The following KDM5C variants were observed in gnomAD, a reference collection of about 807,000 sequenced individuals.
The protein encoded by KDM5C is lysine-specific demethylase 5C.
Under a neutral mutation model 110.6 loss-of-function variants are expected in KDM5C, and 16 were observed. That is an observed-to-expected ratio of 0.14 (90% confidence interval 0.10 to 0.22). The LOEUF is 0.22. KDM5C is among the 10% of genes least tolerant of loss of function. KDM5C has a pLI of 1.00. For missense variants in KDM5C, 681 were observed against 1,300.9 expected (o/e 0.52, Z 7.33); for synonymous variants, 511 against 520.4 (o/e 0.98, Z 0.24).
At chrX:53,198,169 C>T (rs370499712) in intron 17 of KDM5C, among the ~76,000 whole-genome samples, 1 of 111,720 alleles carries the variant, frequency 9.0e-6, no homozygotes, top group African/African-American at 3.3e-5. Flanking sequence ...ACATCTTTGT[C>T]CTGTTCTTAC....
At position 53,197,315 on chromosome X, in the gene KDM5C, T is replaced by C. The variant is rs781845974; in HGVS notation, c.2623-271A>G. On this transcript the variant is annotated intron_variant, in intron 18 of 25. Transcript: ENST00000375401. The stretch of plus-strand genomic sequence containing the variant: ...TAATTAACTAATAATTATTAATCTA[T>C]GCTTTATTTAACTTTTCAGAGGGCT... Among the ~76,000 whole-genome samples, 3 of 111,859 alleles carry C rather than the reference T, an allele frequency of 2.7e-5. No individual in the cohort carries two copies. The East Asian group carries it at 8.4e-4, about 31-fold the overall frequency.
chrX:53,193,390 C>T (rs1020902752), intron 25 of KDM5C, 47 bp downstream of exon 25: 4 of 1,209,867 alleles, frequency 3.3e-6, no homozygotes, highest in South Asian at 1.8e-5. Context: ...GCCTGGGCTC[C>T]CTACTCGGCC....
chrX:53,218,563 C>G (rs1415067797), intron 2 of KDM5C, 165 bp from the exon 3 acceptor site: 1 of 587,911 alleles, frequency 1.7e-6, no homozygotes, highest in African/African-American at 2.2e-5. Flanking sequence ...CTTAGCCCCA[C>G]CTCACTCTCA....
In KDM5C at chrX:53,199,789, T is replaced by C. The variant is rs28549053; in HGVS notation, c.2062-631A>G. 7.3e-3 allele frequency among the ~76,000 whole-genome samples: 817 copies of C among 112,257 alleles called. 5 individuals carry two copies. The highest frequency in any genetic ancestry group is 0.023 in the Middle Eastern group (5 of 218). ...AAAAATGAAGGAAAAGCTGGCTATA[T>C]TGGAGTAATCGAGAGACAACCCAGT... On this transcript the variant is annotated intron_variant, in intron 14 of 25. Transcript: ENST00000375401.
chrX:53,193,941 C>T (rs1053494199), intron 23 of KDM5C, 90 bp from the exon 24 acceptor site: 26 of 994,250 alleles, frequency 2.6e-5, no homozygotes, highest in Admixed American at 7.5e-5. Context: ...TGAGACCCTC[C>T]GCCTTCTGGA....
chrX:53,177,232 T>C (rs1419036061), intron 25 of KDM5C, among the ~76,000 whole-genome samples: 1 of 111,514 alleles, frequency 9.0e-6, no homozygotes, highest in African/African-American at 3.3e-5. Context: ...AAAATAAAAA[T>C]TAGCCAGGTG....
At chrX:53,198,085 G>A (rs187337149) in intron 17 of KDM5C, among the ~76,000 whole-genome samples, 1 of 111,863 alleles carries the variant, frequency 8.9e-6, no homozygotes, top group East Asian at 2.8e-4. Context: ...CTAATGGGTT[G>A]TAATAAGAGC....
chrX:53,213,174 A>T (rs1224408432), intron 8 of KDM5C, among the ~76,000 whole-genome samples: 2 of 111,506 alleles, frequency 1.8e-5, no homozygotes, highest in Non-Finnish European at 3.8e-5. Context: ...CCAAAATCAG[A>T]CACACACCAT....
At chrX:53,187,031 G>A (rs1328180768), downstream of KDM5C, among the ~76,000 whole-genome samples, 1 of 112,082 alleles carries the variant, frequency 8.9e-6, no homozygotes, top group African/African-American at 3.2e-5. Context: ...TAGGTGTCCT[G>A]TTCTGTGATG....
chrX:53,197,930 T>C, intron 17 of KDM5C, 54 bp from the exon 18 acceptor site: 1 of 897,139 alleles, frequency 1.1e-6, no homozygotes, highest in Non-Finnish European at 1.6e-6. Context: ...CTTCCCTCCA[T>C]GTCTATGCTA....
At chrX:53,202,415 G>A (rs1173467177) in intron 12 of KDM5C, 9 of 148,253 alleles carry the variant, frequency 6.1e-5, no homozygotes, top group African/African-American at 1.6e-4. Flanking sequence ...TTATTTTGGC[G>A]TTGATTATAA....
At chrX:53,183,782 C>T (rs1433674946) in intron 25 of KDM5C, among the ~76,000 whole-genome samples, 2 of 110,488 alleles carry the variant, frequency 1.8e-5, no homozygotes, top group Non-Finnish European at 3.8e-5. Context: ...ACCATGTTGG[C>T]CAGGCTGGCC....
intron 2 of KDM5C, among the ~76,000 whole-genome samples, chrX:53,220,209 G>A (rs1395954047): frequency 9.0e-6 from 1 of 111,523 alleles, no homozygotes; most frequent in Non-Finnish European, 1.9e-5. Context: ...TGGCTTTAGG[G>A]AACCTAATCT....
chrX:53,203,588 C>A (rs1259807081), intron 12 of KDM5C, among the ~76,000 whole-genome samples: 1 of 111,537 alleles, frequency 9.0e-6, no homozygotes, highest in East Asian at 2.8e-4. Context: ...ACACTTTTTA[C>A]ATTTTTCACT....
chrX:53,199,738 C>T (rs782638897), intron 14 of KDM5C, among the ~76,000 whole-genome samples: 1 of 112,160 alleles, frequency 8.9e-6, no homozygotes, highest in African/African-American at 3.2e-5. Context: ...ATCTGTTGCT[C>T]AGATAAAGAA....
intron 12 of KDM5C, 97 bp from the exon 13 acceptor site, chrX:53,202,070 T>C: frequency 9.7e-7 from 1 of 1,033,825 alleles, no homozygotes; most frequent in East Asian, 3.0e-5. Context: ...AAGAAAAGCC[T>C]CAGGGAACAC....
In KDM5C at chrX:53,199,013, T is replaced by C; in HGVS notation, c.2207A>G (p.Asp736Gly). 1 of 1,211,660 alleles carries C rather than the reference T, an allele frequency of 8.3e-7. No individual in the cohort carries two copies. Among genetic ancestry groups the C allele is most frequent in the Non-Finnish European group, 1.1e-6 (1 of 895,508 alleles). The change falls in exon 15 of 26, where the codon GAT becomes GGT. Residue 736 changes from aspartate to glycine, a missense_variant. Asp to Gly is a moderately conservative substitution (Grantham distance 94, BLOSUM62 -1). Transcript: ENST00000375401. ...CCGGCTACTGGAGCACTTGCAGAGA[T>C]CATTGATGTGGGAAAGGCAGACAAG... is the stretch of plus-strand genomic sequence containing the variant. ...DGLVCLSHINDLCKCSSSRQY... is the reference protein window; with the variant it reads ...DGLVCLSHINGLCKCSSSRQY...
intron 12 of KDM5C, among the ~76,000 whole-genome samples, chrX:53,204,845 C>T (rs2073274523): frequency 8.9e-6 from 1 of 111,877 alleles, no homozygotes; most frequent in Admixed American, 9.5e-5. Context: ...TCACCCCATC[C>T]ATCTTTACCC....
intron 19 of KDM5C, 143 bp downstream of exon 19, chrX:53,196,543 G>T: frequency 1.9e-6 from 1 of 533,949 alleles, no homozygotes; most frequent in Non-Finnish European, 3.2e-6. Flanking sequence ...AAAACGACAA[G>T]ATAGACAACA....
Sources: gnomAD v4.1 joint callset for allele counts (sites outside exome capture counted in the v4.1 genomes callset) on GRCh38, gnomAD v4.1.1 for gene constraint, MANE v1.5 for transcripts, NCBI Gene and HGNC (gene_info 2026-07-23, HGNC 2026-07-21) for gene names.